The following FLNB variants were observed in gnomAD, a reference collection of about 807,000 sequenced individuals.
FLNB encodes filamin B.
FLNB carries 111 observed loss-of-function variants against 250.6 expected under a neutral mutation model. That is an observed-to-expected ratio of 0.44 (90% confidence interval 0.38 to 0.52). The LOEUF is 0.52. Ranked by LOEUF, FLNB falls within the 20% of genes least tolerant of loss-of-function variation. FLNB has a pLI of 0.00. For missense variants in FLNB, 2,869 were observed against 3,447.8 expected (o/e 0.83, Z 4.20); for synonymous variants, 1,302 against 1,372.1 (o/e 0.95, Z 1.13).
chr3:58,109,949 A>C, intron 15 of FLNB, 61 bp from the exon 16 acceptor site: 4 of 1,592,508 alleles, frequency 2.5e-6, no homozygotes, highest in Non-Finnish European at 3.4e-6. Flanking sequence ...CTGAGCTGGA[A>C]GAGATTGCAC....
At chr3:58,109,912 T>C in intron 15 of FLNB, 98 bp from the exon 16 acceptor site, 2 of 1,516,798 alleles carry the variant, frequency 1.3e-6, no homozygotes, top group Non-Finnish European at 1.8e-6. Context: ...ACTAGAAACT[T>C]CCCAATTGCT....
At chr3:58,049,506 C>T (rs776618495) in intron 1 of FLNB, among the ~76,000 whole-genome samples, 1 of 152,160 alleles carries the variant, frequency 6.6e-6, no homozygotes, top group Non-Finnish European at 1.5e-5. Context: ...CTGGAAGGGC[C>T]AGCTTTCAGG....
rs918140648 is a variant in FLNB at position 58,063,424 on chromosome 3, T to C, written c.293-13622T>C. On this transcript the variant is annotated intron_variant, in intron 1 of 45. Transcript: ENST00000295956. Reference sequence around the variant, plus strand: ...GTGTTTGGAGGCCTCCTCACATAATTGTGGGCTGAAAGGTCCAGATTTGGG... The same window carrying C: ...GTGTTTGGAGGCCTCCTCACATAATCGTGGGCTGAAAGGTCCAGATTTGGG... Among the ~76,000 whole-genome samples, 4 of 152,130 alleles carry C rather than the reference T, an allele frequency of 2.6e-5. No individual in the cohort carries two copies. In the South Asian group the frequency reaches 6.2e-4, roughly 24 times the overall value.
chr3:58,050,039 C>CT (rs1205782532), intron 1 of FLNB, among the ~76,000 whole-genome samples: 1 of 95,656 alleles, frequency 1.0e-5, no homozygotes, highest in Non-Finnish European at 2.2e-5. Context: ...TTTTTTTTTT[C>CT]TTTTTTTTTG....
chr3:58,053,944 G>A (rs2097166518), intron 1 of FLNB, among the ~76,000 whole-genome samples: 3 of 152,186 alleles, frequency 2.0e-5, no homozygotes, highest in South Asian at 2.1e-4. Context: ...TCCCAGAGGC[G>A]CGAAGAGCAA....
At chr3:58,129,260 G>A (rs2097302542) in intron 24 of FLNB, among the ~76,000 whole-genome samples, 1 of 152,210 alleles carries the variant, frequency 6.6e-6, no homozygotes, top group African/African-American at 2.4e-5. Flanking sequence ...GGGGTTCAGA[G>A]TGCATGAGGA....
chr3:58,048,136 GA>G (rs2097156966), intron 1 of FLNB, among the ~76,000 whole-genome samples: 2 of 152,110 alleles, frequency 1.3e-5, no homozygotes, highest in Admixed American at 6.5e-5. Flanking sequence ...TGGGATCCAG[GA>G]ACCAATTAAC....
chr3:58,053,313 A>G (rs2097165426), intron 1 of FLNB, among the ~76,000 whole-genome samples: 4 of 152,242 alleles, frequency 2.6e-5, no homozygotes. Flanking sequence ...CTGCCTGAAT[A>G]GCTGGGACTG....
At chr3:58,116,289 G>A (rs969115718) in intron 18 of FLNB, among the ~76,000 whole-genome samples, 25 of 152,196 alleles carry the variant, frequency 1.6e-4, no homozygotes, top group Admixed American at 1.6e-3. Context: ...TACTTTGAGG[G>A]CTGACACCCA....
chr3:58,104,171 A>T, intron 10 of FLNB, 86 bp downstream of exon 10: 53 of 1,294,528 alleles, frequency 4.1e-5, no homozygotes, highest in Non-Finnish European at 5.0e-5. Context: ...GGGCTGCAGG[A>T]GGGAAAGAGA....
intron 19 of FLNB, among the ~76,000 whole-genome samples, chr3:58,120,361 C>T (rs972711712): frequency 2.6e-5 from 4 of 152,210 alleles, no homozygotes; most frequent in South Asian, 2.1e-4. Context: ...GCCTCTTTTC[C>T]GGTGGGAAGT....
At chr3:58,068,037 C>T (rs961879140) in intron 1 of FLNB, among the ~76,000 whole-genome samples, 11 of 152,322 alleles carry the variant, frequency 7.2e-5, no homozygotes, top group African/African-American at 2.2e-4. Context: ...CAGGTGACTG[C>T]GCTGTCTGGG....
At chr3:58,060,515 G>C (rs1002204136) in intron 1 of FLNB, among the ~76,000 whole-genome samples, 8 of 151,882 alleles carry the variant, frequency 5.3e-5, no homozygotes, top group Non-Finnish European at 1.0e-4. Flanking sequence ...ATTGTGCCCA[G>C]CTAATTTTTG....
intron 1 of FLNB, among the ~76,000 whole-genome samples, chr3:58,058,264 A>T: frequency 6.6e-6 from 1 of 152,198 alleles, no homozygotes; most frequent in South Asian, 2.1e-4. Flanking sequence ...TAGGAAGTTT[A>T]GAGTGAAGCG....
chr3:58,101,613 A>G (rs2097251347), intron 8 of FLNB, among the ~76,000 whole-genome samples: 2 of 152,174 alleles, frequency 1.3e-5, no homozygotes, highest in South Asian at 4.1e-4. Context: ...CCACATTCTG[A>G]AGGCCTTGTA....
At chr3:58,159,474 A>T in intron 41 of FLNB, 80 bp from the exon 42 acceptor site, 3 of 1,429,184 alleles carry the variant, frequency 2.1e-6, no homozygotes, top group Non-Finnish European at 3.0e-6. Flanking sequence ...ACTGTCACCC[A>T]CAGTTTTGGG....
At chr3:58,063,748 T>C (rs1403746157) in intron 1 of FLNB, among the ~76,000 whole-genome samples, 2 of 152,192 alleles carry the variant, frequency 1.3e-5, no homozygotes, top group Non-Finnish European at 2.9e-5. Context: ...GAGTTGTAAC[T>C]TGAGGTGAGT....
rs753939290 is a variant in FLNB, at chr3:58,126,652, C to T, written c.4112C>T (p.Ser1371Leu). 11 of 1,613,652 alleles carry T rather than the reference C, an allele frequency of 6.8e-6. No homozygotes were observed. In the East Asian group the frequency reaches 1.1e-4, roughly 16 times the overall value. ...ATAACTGTTGAGGGACCATCAGAGT[C>T]GAAGATAAATTGCAGAGACAACAAG... ...LGITVEGPSESKINCRDNKDG... is the reference protein window; with the variant it reads ...LGITVEGPSELKINCRDNKDG... The change falls in exon 24 of 46, where the codon TCG becomes TTG. Residue 1371 changes from serine to leucine, a missense_variant. Around this residue, in one of 5 missense-constraint regions of FLNB, gnomAD observed 1,348 missense variants for 1,466.7 expected, o/e 0.92. Coordinates refer to ENST00000295956, the MANE Select transcript of FLNB (RefSeq NM_001457.4).
Position 58,171,075 on chromosome 3 carries a change from C to A in FLNB, c.*313C>A. ...CAGGAACACAATGAGACTGACATTT[C>A]AAAAAAACAAAACTGGCTAGCCTGA... On this transcript the variant is annotated 3_prime_UTR_variant, in exon 46 of 46. Transcript: ENST00000295956. The surrounding 1 kb of genome is among the most constrained non-coding windows in gnomAD (Gnocchi z 5.5). 3.3e-6 allele frequency: 1 copy of A among 304,296 alleles called. No homozygotes were observed. Among genetic ancestry groups the A allele is most frequent in the Non-Finnish European group, 6.2e-6 (1 of 162,276 alleles). The allele number at this position is 304,296 out of a possible 1,614,324, so 18.8% of individuals were successfully genotyped here.
Sources: allele counts gnomAD v4.1 joint callset (sites outside exome capture counted in the v4.1 genomes callset), GRCh38; gene constraint gnomAD v4.1.1; regional missense constraint gnomAD v4.1.1; non-coding constraint Gnocchi (gnomAD v3.1); transcripts MANE v1.5; gene names NCBI Gene and HGNC (gene_info 2026-07-23, HGNC 2026-07-21).